Variants in COL11A2 observed in about 807,000 individuals in gnomAD.
The protein encoded by COL11A2 is collagen alpha-2(XI) chain.
COL11A2 carries 116 observed loss-of-function variants against 273.4 expected under a neutral mutation model. The observed-to-expected ratio is 0.42, with a 90% CI of 0.36 to 0.49. The LOEUF (loss-of-function observed/expected upper bound fraction) is 0.49. Ranked by LOEUF, COL11A2 falls within the 20% of genes least tolerant of loss-of-function variation. COL11A2 has a pLI of 0.00. For missense variants in COL11A2, 1,866 were observed against 2,309.0 expected, an observed-to-expected ratio of 0.81 and a Z score of 3.93; for synonymous variants, 782 against 864.2, an observed-to-expected ratio of 0.90 and a Z score of 1.67.
rs778734237 is a variant in COL11A2, at chr6:33,178,196, G to A, written c.1819-11C>T. On this transcript the variant is annotated splice_polypyrimidine_tract_variant and intron_variant, in intron 20 of 65. Coordinates refer to ENST00000341947, the MANE Select transcript of COL11A2 (RefSeq NM_080680.3). The surrounding 1 kb of genome is among the most constrained non-coding windows in gnomAD (Gnocchi z 4.6). ...GAGACCTCGAGGTCCCTGCATTCACGGTGAGGGGAGGAGACGGCATGAATG... is the reference window on the plus strand; with the variant it reads ...GAGACCTCGAGGTCCCTGCATTCACAGTGAGGGGAGGAGACGGCATGAATG... The A allele has an allele frequency of 2.7e-5, 44 of 1,611,258 alleles. No individual in the cohort carries two copies. Among genetic ancestry groups the A allele is most frequent in the Middle Eastern group, 1.7e-4 (1 of 6,040 alleles).
chr6:33,164,765 G>A lies in COL11A2; in HGVS notation c.4863+87C>T. ...AGGCTCCGGGGGGGGCAACAGCCAGGGGACTGTCACCAAAACCCAGAAACC... is the reference window on the plus strand; with the variant it reads ...AGGCTCCGGGGGGGGCAACAGCCAGAGGACTGTCACCAAAACCCAGAAACC... On this transcript the variant is annotated intron_variant, in intron 64 of 65. Transcript: ENST00000341947. The surrounding 1 kb of genome is among the most constrained non-coding windows in gnomAD (Gnocchi z 4.7). 2 of 1,195,558 alleles carry A rather than the reference G, an allele frequency of 1.7e-6. No homozygotes were observed. Among genetic ancestry groups the A allele is most frequent in the South Asian group, 1.3e-5 (1 of 75,694 alleles). The allele number at this position is 1,195,558 out of a possible 1,614,324, so 74.1% of individuals were successfully genotyped here. A position where few individuals can be genotyped will look rare whatever the true frequency, so the allele number is the denominator to read the frequency against.
At chr6:33,171,666 C>T (rs1369594367) in intron 42 of COL11A2, 47 bp downstream of exon 42, 2 of 1,601,820 alleles carry the variant, frequency 1.2e-6, no homozygotes, top group South Asian at 2.2e-5. Context: ...CAACCCTAGG[C>T]TCACAGACCC....
At chr6:33,168,613 C>A in intron 53 of COL11A2, 41 bp from the exon 54 acceptor site, 2 of 1,610,654 alleles carry the variant, frequency 1.2e-6, no homozygotes, top group Non-Finnish European at 1.7e-6. Flanking sequence ...GTTTATCCTC[C>A]AGCCAAGGGA....
chr6:33,164,768 A>T lies in COL11A2; in HGVS notation c.4863+84T>A. The T allele has an allele frequency of 8.3e-7, 1 of 1,201,758 alleles. No individual in the cohort carries two copies. Among genetic ancestry groups the T allele is most frequent in the African/African-American group, 1.5e-5 (1 of 65,408 alleles). The allele number at this position is 1,201,758 out of a possible 1,614,324, so 74.4% of individuals were successfully genotyped here. On this transcript the variant is annotated intron_variant, in intron 64 of 65. Coordinates refer to ENST00000341947, the MANE Select transcript of COL11A2 (RefSeq NM_080680.3). The surrounding 1 kb of genome is among the most constrained non-coding windows in gnomAD (Gnocchi z 4.7). Reference sequence around the variant, plus strand: ...CTCCGGGGGGGGCAACAGCCAGGGGACTGTCACCAAAACCCAGAAACCACT... The same window carrying T: ...CTCCGGGGGGGGCAACAGCCAGGGGTCTGTCACCAAAACCCAGAAACCACT...
At position 33,164,413 on chromosome 6, in the gene COL11A2, G is replaced by C. The variant is rs770715075; in HGVS notation, c.4924C>G (p.Leu1642Val). The stretch of plus-strand genomic sequence containing the variant: ...TCCTGGTGGGCTGAGACGCTGAGCA[G>C]CCGCAGGAAGGTGAGCTGGACCACA... ...VGVVQLTFLR[L>V]LSVSAHQDVS... is the part of the protein sequence containing the mutation. Residue 1642 changes from leucine (L) to valine (V), a missense_variant, in exon 65 of 66, where the codon CTG becomes GTG. Coordinates refer to ENST00000341947, the MANE Select transcript of COL11A2 (RefSeq NM_080680.3). This position sits in a 1 kb window ranked among gnomAD's most constrained non-coding sequence, Gnocchi z 4.7. 30 of 1,599,192 alleles carry C rather than the reference G, an allele frequency of 1.9e-5. No individual in the cohort carries two copies. Among genetic ancestry groups the C allele is most frequent in the Non-Finnish European group, 2.6e-5 (30 of 1,173,272 alleles).
At chr6:33,188,218 T>TGA (rs1772653931) in intron 4 of COL11A2, 144 bp downstream of exon 4, 1 of 1,024,832 alleles carries the variant, frequency 9.8e-7, no homozygotes, top group Non-Finnish European at 1.5e-6. Flanking sequence ...ACAGTAGCCC[T>TGA]GAAGATAGAA....
Position 33,167,687 on chromosome 6 carries a change from A to T in COL11A2, c.4014+112T>A. 1 of 1,494,416 alleles carries T rather than the reference A, an allele frequency of 6.7e-7. No homozygotes were observed. Among genetic ancestry groups the T allele is most frequent in the Non-Finnish European group, 9.2e-7 (1 of 1,083,448 alleles). The allele number at this position is 1,494,416 out of a possible 1,614,324, so 92.6% of individuals were successfully genotyped here. ...ACAAGTACAGGGAACGCCTGTCCCC[A>T]TAAGGGCCCAACATGGGAGAGGTGG... On this transcript the variant is annotated intron_variant, in intron 55 of 65. Transcript: ENST00000341947. This position sits in a 1 kb window ranked among gnomAD's most constrained non-coding sequence, Gnocchi z 6.1.
At position 33,170,040 on chromosome 6, in the gene COL11A2, C is replaced by T. The variant is rs746500234; in HGVS notation, c.3636+7G>A. On this transcript the variant is annotated splice_region_variant and intron_variant, in intron 49 of 65. Transcript: ENST00000341947. The surrounding 1 kb of genome is among the most constrained non-coding windows in gnomAD (Gnocchi z 4.3). ...ATGACTGGTCCACTCACCCCCTTCC[C>T]AGTTACCTTCTCTCCAGGGGGACCC... 6.2e-7 allele frequency: 1 copy of T among 1,613,184 alleles called. No homozygotes were observed. The highest frequency in any genetic ancestry group is 1.1e-5 in the South Asian group (1 of 91,086).
In COL11A2 at chr6:33,179,740, C is replaced by G. The variant is rs1482045805; in HGVS notation, c.1425G>C (p.Gln475His). 6 of 1,612,360 alleles carry G rather than the reference C, an allele frequency of 3.7e-6. No individual in the cohort carries two copies. Among genetic ancestry groups the G allele is most frequent in the Non-Finnish European group, 5.1e-6 (6 of 1,180,022 alleles). The change falls in exon 13 of 66, where the codon CAG becomes CAC. Residue 475 changes from glutamine (Q) to histidine (H), a missense_variant. Gln to His is a conservative substitution (Grantham distance 24). Transcript: ENST00000341947. The surrounding 1 kb of genome is among the most constrained non-coding windows in gnomAD (Gnocchi z 6.4). Reference protein sequence around the residue: ...PVVAAQEAQAQAILQQARLAL... With the variant: ...PVVAAQEAQAHAILQQARLAL... ...TCACCCTCGCCTGCTGCAGGATCGC[C>G]TGGGCCTGAGCCTCCTGGGCCGCCA...
Position 33,171,745 on chromosome 6 carries a change from G to A in COL11A2, c.3118C>T (p.Pro1040Ser), listed in dbSNP as rs759919085. Reference protein sequence around the residue: ...GPPGRPGPQGPPGAAGEKGVP... With the variant: ...GPPGRPGPQGSPGAAGEKGVP... ...CCTTTCTCTCCTGCTGCTCCAGGGG[G>A]ACCCTGCGGGCCTGGGCGCCCTGGC... is the stretch of plus-strand genomic sequence containing the variant. The change falls in exon 42 of 66, where the codon CCC (proline) becomes TCC (serine). Residue 1040 changes from proline (P) to serine (S), a missense_variant. Coordinates refer to ENST00000341947, the MANE Select transcript of COL11A2 (RefSeq NM_080680.3). 1 of 1,612,962 alleles carries A rather than the reference G, an allele frequency of 6.2e-7. No homozygotes were observed. Among genetic ancestry groups the A allele is most frequent in the South Asian group, 1.1e-5 (1 of 91,070 alleles).
In COL11A2 at chr6:33,169,049, T is replaced by C; in HGVS notation, c.3799-41A>G. On this transcript the variant is annotated intron_variant, in intron 51 of 65. Transcript: ENST00000341947. This position sits in a 1 kb window ranked among gnomAD's most constrained non-coding sequence, Gnocchi z 5.5. Reference sequence around the variant, plus strand: ...AATAAGAGTCAGGGTCACAGCTCCCTAAGCCCACCCAGCACAGACGCCCAC... The same window carrying C: ...AATAAGAGTCAGGGTCACAGCTCCCCAAGCCCACCCAGCACAGACGCCCAC... 6.3e-7 allele frequency: 1 copy of C among 1,577,842 alleles called. No homozygotes were observed. Among genetic ancestry groups the C allele is most frequent in the South Asian group, 1.2e-5 (1 of 85,514 alleles).
rs1019598541 is a variant in COL11A2 at position 33,167,136 on chromosome 6, G to A, written c.4177-13C>T. The stretch of plus-strand genomic sequence containing the variant: ...GCCCTGGGGGTCCCTGTGGAGAGAT[G>A]GGAAGTCATTCTCTTAAGGGAGAGG... On this transcript the variant is annotated splice_polypyrimidine_tract_variant and intron_variant, in intron 57 of 65. Transcript: ENST00000341947. The surrounding 1 kb of genome is among the most constrained non-coding windows in gnomAD (Gnocchi z 6.1). The A allele has an allele frequency of 6.2e-7, 1 of 1,614,042 alleles. No individual in the cohort carries two copies. Among genetic ancestry groups the A allele is most frequent in the Non-Finnish European group, 8.5e-7 (1 of 1,179,960 alleles).
Position 33,163,797 on chromosome 6 carries a change from G to C in COL11A2, c.5092C>G (p.Leu1698Val). Residue 1698 changes from leucine to valine, a missense_variant, in exon 66 of 66, where the codon CTG (leucine) becomes GTG (valine). Transcript: ENST00000341947. The surrounding 1 kb of genome is among the most constrained non-coding windows in gnomAD (Gnocchi z 4.1). ...TCCAGCACAGGCGTTCGCACCTCCA[G>C]CACCGTCCGGCCTTGCTGTGTCTTC... ...GCQTQQGRTV[L>V]EVRTPVLEQL... 1 of 1,613,042 alleles carries C rather than the reference G, an allele frequency of 6.2e-7. No homozygotes were observed. The highest frequency in any genetic ancestry group is 8.5e-7 in the Non-Finnish European group (1 of 1,180,004).
At position 33,167,413 on chromosome 6, in the gene COL11A2, T is replaced by G; in HGVS notation, c.4122+13A>C. 8.5e-7 allele frequency: 1 copy of G among 1,175,722 alleles called. No homozygotes were observed. The highest frequency in any genetic ancestry group is 1.2e-6 in the Non-Finnish European group (1 of 813,036). The allele number at this position is 1,175,722 out of a possible 1,614,324, so 72.8% of individuals were successfully genotyped here. A position where few individuals can be genotyped will look rare whatever the true frequency, so the allele number is the denominator to read the frequency against. ...CTCCCACCCCAGCCCAGCCCTTCCC[T>G]GCAGTGACTCACCACTGAGCCTGGG... is the stretch of plus-strand genomic sequence containing the variant. On this transcript the variant is annotated intron_variant, in intron 56 of 65. Transcript: ENST00000341947. This position sits in a 1 kb window ranked among gnomAD's most constrained non-coding sequence, Gnocchi z 6.1.
intron 11 of COL11A2, 24 bp from the exon 12 acceptor site, chr6:33,180,356 A>C: frequency 6.3e-6 from 10 of 1,595,516 alleles, no homozygotes; most frequent in Non-Finnish European, 8.6e-6. Flanking sequence ...AGAATGCAAA[A>C]GATGGGGTGA....
In COL11A2 at chr6:33,166,387, G is replaced by A. The variant is rs749868870; in HGVS notation, c.4392+126C>T. 17 of 1,303,406 alleles carry A rather than the reference G, an allele frequency of 1.3e-5. No homozygotes were observed. The highest frequency in any genetic ancestry group is 1.8e-5 in the Non-Finnish European group (17 of 935,048). 80.7% of individuals were successfully genotyped at this position (1,303,406 alleles called of 1,614,324 possible). ...TGGGGAGGAGGTACTGGTGGTGACA[G>A]GACAAATGGGGGACCCTGAGGACTA... On this transcript the variant is annotated intron_variant, in intron 60 of 65. Coordinates refer to ENST00000341947, the MANE Select transcript of COL11A2 (RefSeq NM_080680.3). This position sits in a 1 kb window ranked among gnomAD's most constrained non-coding sequence, Gnocchi z 4.8.
At position 33,167,546 on chromosome 6, in the gene COL11A2, C is replaced by T. The variant is rs553576969; in HGVS notation, c.4015-13G>A. ...CGCCAGGATCTCCCTGAAACACACA[C>T]AAGGAATGTGTCCTGAATGGCAGAG... On this transcript the variant is annotated splice_polypyrimidine_tract_variant and intron_variant, in intron 55 of 65. Transcript: ENST00000341947. This position sits in a 1 kb window ranked among gnomAD's most constrained non-coding sequence, Gnocchi z 6.1. 1.9e-6 allele frequency: 3 copies of T among 1,612,538 alleles called. No homozygotes were observed. Among genetic ancestry groups the T allele is most frequent in the African/African-American group, 1.3e-5 (1 of 75,044 alleles).
rs1769911399 is a variant in COL11A2 at position 33,170,678 on chromosome 6, G to A, written c.3475-68C>T. The A allele has an allele frequency of 6.3e-7, 1 of 1,598,118 alleles. No homozygotes were observed. Among genetic ancestry groups the A allele is most frequent in the Non-Finnish European group, 8.6e-7 (1 of 1,166,958 alleles). ...CCAAAGCACAGCCCTAGGCAGATAG[G>A]CCCCACAGTCCCCTCCCCTCAGACT... On this transcript the variant is annotated intron_variant, in intron 46 of 65. Transcript: ENST00000341947. The surrounding 1 kb of genome is among the most constrained non-coding windows in gnomAD (Gnocchi z 4.3).
At position 33,185,742 on chromosome 6, in the gene COL11A2, AG is replaced by A; in HGVS notation, c.834del (p.Tyr279IlefsTer4). On this transcript the variant is annotated frameshift_variant, in exon 6 of 66. Transcript: ENST00000341947. LOFTEE classifies it high-confidence loss of function. ...TESLYYDYEP[P>X]YYDVMTTGTT... Reference sequence around the variant, plus strand: ...GTCCCCGTAGTCATCACATCATAATAGGGGGGCTCGTAGTCATAGTAGAGAG... The same window carrying A: ...GTCCCCGTAGTCATCACATCATAATAGGGGGCTCGTAGTCATAGTAGAGAG... 7.5e-7 allele frequency: 1 copy of A among 1,335,376 alleles called. No individual in the cohort carries two copies. The highest frequency in any genetic ancestry group is 9.9e-7 in the Non-Finnish European group (1 of 1,011,768). The allele number at this position is 1,335,376 out of a possible 1,614,324, so 82.7% of individuals were successfully genotyped here.
Sources: allele counts gnomAD v4.1 joint callset, GRCh38; gene constraint gnomAD v4.1.1; non-coding constraint Gnocchi (gnomAD v3.1); transcripts MANE v1.5; gene names NCBI Gene and HGNC (gene_info 2026-07-23, HGNC 2026-07-21).